The following CSMD1 variants were observed in gnomAD, a reference collection of about 807,000 sequenced individuals.
CSMD1 encodes the protein CUB and sushi domain-containing protein 1.
Under a neutral mutation model 417.5 loss-of-function variants are expected in CSMD1, and 213 were observed. The ratio of observed to expected loss-of-function variants is 0.51; its 90% CI spans 0.46 to 0.57. The LOEUF (loss-of-function observed/expected upper bound fraction) is 0.57, where lower values mean the gene tolerates loss of function less well. CSMD1 is among the 20% of genes least tolerant of loss of function. The pLI is 0.00. For synonymous variants in CSMD1, 2,862 were observed against 1,736.8 expected (o/e 1.65, Z -16.11); for missense variants, 6,923 against 4,529.7 (o/e 1.53, Z -15.17).
At chr8:4,291,008 A>G (rs1007128297) in intron 3 of CSMD1, among the ~76,000 whole-genome samples, 1 of 152,154 alleles carries the variant, frequency 6.6e-6, no homozygotes, top group African/African-American at 2.4e-5. Flanking sequence ...TGTATATGTA[A>G]TGATGTCAAA....
At chr8:3,567,938 G>T (rs915164486) in intron 10 of CSMD1, among the ~76,000 whole-genome samples, 8 of 152,208 alleles carry the variant, frequency 5.3e-5, no homozygotes, top group African/African-American at 1.4e-4. Flanking sequence ...CCCCATGGAC[G>T]CCGGAGATGG....
chr8:4,453,871 G>C (rs1465745218), intron 2 of CSMD1, among the ~76,000 whole-genome samples: 1 of 131,234 alleles, frequency 7.6e-6, no homozygotes, highest in Admixed American at 9.3e-5. Context: ...ACCCACGCTG[G>C]AGTGCACTGG....
intron 33 of CSMD1, among the ~76,000 whole-genome samples, chr8:3,191,185 T>G (rs1796400814): frequency 6.6e-6 from 1 of 152,186 alleles, no homozygotes; most frequent in Non-Finnish European, 1.5e-5. Context: ...CCGGGTGCAG[T>G]GGCGCAAGCC....
At chr8:3,710,754 G>C (rs755318775) in intron 6 of CSMD1, among the ~76,000 whole-genome samples, 7 of 152,170 alleles carry the variant, frequency 4.6e-5, no homozygotes, top group Non-Finnish European at 1.0e-4. Flanking sequence ...AAAGCCATCT[G>C]AGATAGGAAT....
intron 23 of CSMD1, among the ~76,000 whole-genome samples, chr8:3,339,943 G>T: frequency 6.6e-6 from 1 of 152,172 alleles, no homozygotes; most frequent in Admixed American, 6.5e-5. Flanking sequence ...CACTTTTAAA[G>T]TTTTATTTTG....
intron 2 of CSMD1, among the ~76,000 whole-genome samples, chr8:4,610,717 C>T (rs1801123107): frequency 6.6e-6 from 1 of 152,140 alleles, no homozygotes; most frequent in Non-Finnish European, 1.5e-5. Context: ...GTTGTAACAG[C>T]TTTGCAAATG....
At chr8:3,620,219 T>A (rs900080886) in intron 7 of CSMD1, among the ~76,000 whole-genome samples, 1 of 152,052 alleles carries the variant, frequency 6.6e-6, no homozygotes, top group South Asian at 2.1e-4. Context: ...GAAAGGGAAA[T>A]TAAGACACTC....
intron 5 of CSMD1, among the ~76,000 whole-genome samples, chr8:3,914,469 A>T (rs77620921): frequency 0.011 from 1,660 of 152,230 alleles, 35 homozygotes; most frequent in African/African-American, 0.037. Context: ...TTATTATATC[A>T]TGTTTTGAGT....
chr8:4,714,514 T>G (rs1463279773), intron 1 of CSMD1, among the ~76,000 whole-genome samples: 1 of 152,148 alleles, frequency 6.6e-6, no homozygotes, highest in African/African-American at 2.4e-5. Flanking sequence ...TTTAATAATT[T>G]TGCCCAATTG....
rs1010943465 is a variant in CSMD1 at position 4,249,263 on chromosome 8, C to G, written c.415+170690G>C. Among the ~76,000 whole-genome samples the G allele has an allele frequency of 5.3e-5, 8 of 152,266 alleles. No homozygotes were observed. The South Asian group carries it at 1.4e-3, about 28-fold the overall frequency. On this transcript the variant is annotated intron_variant, in intron 3 of 69. Transcript: ENST00000635120. ...AGGGCAAACATTTCTCTTTTATTAT[C>G]TTGTCTTTTACTTCTAAAGTTATGG... is the stretch of plus-strand genomic sequence containing the variant.
chr8:3,261,095 G>A (rs984731801), intron 26 of CSMD1, among the ~76,000 whole-genome samples: 3 of 152,138 alleles, frequency 2.0e-5, no homozygotes, highest in African/African-American at 7.2e-5. Flanking sequence ...TAGCCATTAA[G>A]CAAATAAATG....
rs2116999856 is a variant in CSMD1, at chr8:3,586,248, A to T, written c.1110T>A (p.Asn370Lys). 6.2e-7 allele frequency: 1 copy of T among 1,606,836 alleles called. No individual in the cohort carries two copies. The highest frequency in any genetic ancestry group is 1.1e-5 in the South Asian group (1 of 90,416). The change falls in exon 9 of 70, where the codon AAT becomes AAA. Residue 370 changes from asparagine (N) to lysine (K), a missense_variant. Coordinates refer to ENST00000635120, the MANE Select transcript of CSMD1 (RefSeq NM_033225.6). ...RAGSDFRVGA[N>K]VQFSCEDNYV... is the part of the protein sequence containing the mutation. ...AATTGTCCTCACATGAAAACTGTAC[A>T]TTTGCACCAACCCTAAGCCGTTAAA...
chr8:3,933,094 T>A (rs1476861292), intron 5 of CSMD1, among the ~76,000 whole-genome samples: 2 of 149,842 alleles, frequency 1.3e-5, no homozygotes, highest in African/African-American at 2.5e-5. Flanking sequence ...AACAACATTA[T>A]TTTCCTCTTT....
intron 47 of CSMD1, among the ~76,000 whole-genome samples, chr8:3,092,773 G>A (rs1278015079): frequency 1.3e-5 from 2 of 152,142 alleles, no homozygotes; most frequent in East Asian, 3.9e-4. Context: ...TCATGGCACT[G>A]GGGCTTGCCA....
At chr8:3,694,195 T>A (rs1267961534) in intron 7 of CSMD1, among the ~76,000 whole-genome samples, 2 of 151,976 alleles carry the variant, frequency 1.3e-5, no homozygotes, top group Non-Finnish European at 2.9e-5. Flanking sequence ...AATGTGTCCA[T>A]AGATGGGGCA....
intron 1 of CSMD1, among the ~76,000 whole-genome samples, chr8:4,855,355 G>A (rs888543271): frequency 5.3e-5 from 8 of 152,138 alleles, no homozygotes; most frequent in African/African-American, 1.4e-4. Flanking sequence ...AAAGCAGAGC[G>A]CCTCTCCTCC....
chr8:3,342,424 A>G (rs1585026725), intron 23 of CSMD1, among the ~76,000 whole-genome samples: 1 of 152,216 alleles, frequency 6.6e-6, no homozygotes, highest in East Asian at 1.9e-4. Flanking sequence ...AGTATGATAT[A>G]GTTTTTACAT....
chr8:4,961,400 T>C (rs4636228), intron 1 of CSMD1, among the ~76,000 whole-genome samples: 51,390 of 151,996 alleles, frequency 0.34, 9,747 homozygotes, highest in East Asian at 0.57. Context: ...TTGTCTCAAC[T>C]TCACTTTTCT....
intron 54 of CSMD1, among the ~76,000 whole-genome samples, chr8:2,990,931 T>C (rs1041226832): frequency 6.6e-6 from 1 of 152,208 alleles, no homozygotes; most frequent in Non-Finnish European, 1.5e-5. Flanking sequence ...CTGGTCTTTC[T>C]TCATTCACCG....
Sources: allele counts gnomAD v4.1 joint callset (sites outside exome capture counted in the v4.1 genomes callset), GRCh38; gene constraint gnomAD v4.1.1; transcripts MANE v1.5; gene names NCBI Gene and HGNC (gene_info 2026-07-23, HGNC 2026-07-21).